NPDC1: variants seen among roughly 807,000 people sequenced by gnomAD.
The protein encoded by NPDC1 is neural proliferation, differentiation and control 1.
A neutral mutation model predicts 32.5 loss-of-function variants in NPDC1; 18 were observed. The ratio of observed to expected loss-of-function variants is 0.55; its 90% CI spans 0.38 to 0.82. The LOEUF is 0.82. NPDC1 is among the 40% of genes least tolerant of loss of function. NPDC1 has a pLI of 0.00. For synonymous variants in NPDC1, 210 were observed against 184.7 expected (o/e 1.14, Z -1.11); for missense variants, 468 against 406.6 (o/e 1.15, Z -1.30).
chr9:137,045,711 T>C (rs961326140), intron 1 of NPDC1, among the ~76,000 whole-genome samples, 167 bp downstream of exon 1: 1 of 151,870 alleles, frequency 6.6e-6, no homozygotes, highest in African/African-American at 2.4e-5. Flanking sequence ...CGGCCAGGCC[T>C]GTTTATTCCA....
intron 1 of NPDC1, 27 bp from the exon 2 acceptor site, chr9:137,043,100 G>A (rs1235371721): frequency 6.8e-6 from 11 of 1,610,056 alleles, no homozygotes; most frequent in African/African-American, 4.0e-5. Flanking sequence ...AGGCAGGGCC[G>A]GCTCACGGCC....
intron 7 of NPDC1, 122 bp from the exon 8 acceptor site, chr9:137,040,189 G>T: frequency 2.8e-6 from 2 of 714,154 alleles, no homozygotes; most frequent in Non-Finnish European, 4.9e-6. Flanking sequence ...CCAGGGTGAA[G>T]TTGGCCAGGG....
In NPDC1 at chr9:137,046,070, G is replaced by C; in HGVS notation, c.-81C>G. 1 of 1,117,704 alleles carries C rather than the reference G, an allele frequency of 8.9e-7. No individual in the cohort carries two copies. The highest frequency in any genetic ancestry group is 1.1e-6 in the Non-Finnish European group (1 of 913,738). 69.2% of individuals were successfully genotyped at this position (1,117,704 alleles called of 1,614,324 possible). ...GGCTCCGGGCTCCGCGTCGGGAGCA[G>C]CGGAGGCAGCGGGGGAGGACGCAGG... On this transcript the variant is annotated 5_prime_UTR_variant, in exon 1 of 9. Transcript: ENST00000371601.
At chr9:137,045,754 G>A in intron 1 of NPDC1, 124 bp downstream of exon 1, 2 of 520,198 alleles carry the variant, frequency 3.8e-6, no homozygotes, top group Non-Finnish European at 4.9e-6. Flanking sequence ...GCCACCAGCG[G>A]ACCAGGCCTG....
intron 1 of NPDC1, among the ~76,000 whole-genome samples, chr9:137,044,986 A>G (rs920924784): frequency 5.9e-5 from 9 of 152,102 alleles, no homozygotes; most frequent in African/African-American, 1.9e-4. Context: ...TAACTTCTCC[A>G]TGCCTCGGAT....
Position 137,040,361 on chromosome 9 carries a change from C to T in NPDC1, c.784G>A (p.Glu262Lys), listed in dbSNP as rs1165857162. 1 of 1,543,468 alleles carries T rather than the reference C, an allele frequency of 6.5e-7. No individual in the cohort carries two copies. Among genetic ancestry groups the T allele is most frequent in the Non-Finnish European group, 8.7e-7 (1 of 1,146,618 alleles). ...AGTGCCGGGGCGGCCACTCACCGCT[C>T]CAGGCACAGCATCTGTTGCCGTTGG... is the stretch of plus-strand genomic sequence containing the variant. ...QHQRQQMLCL[E>K]RHKEPPKELD... Residue 262 changes from glutamate to lysine, a missense_variant, in exon 7 of 9, where the codon GAG becomes AAG. Transcript: ENST00000371601.
Position 137,042,918 on chromosome 9 carries a change from C to G in NPDC1, c.259+9G>C. 6.3e-7 allele frequency: 1 copy of G among 1,587,426 alleles called. No individual in the cohort carries two copies. Among genetic ancestry groups the G allele is most frequent in the South Asian group, 1.1e-5 (1 of 88,984 alleles). On this transcript the variant is annotated intron_variant, in intron 2 of 8. Transcript: ENST00000371601. ...ATCCCCCCATCGACTTCCCCCTTTG[C>G]TCTCGTACCTGGAGGCCGGCGCATC...
intron 7 of NPDC1, 102 bp downstream of exon 7, chr9:137,040,255 G>C: frequency 1.8e-6 from 2 of 1,124,300 alleles, no homozygotes; most frequent in Admixed American, 4.1e-5. Flanking sequence ...GGTGAGGGTG[G>C]CAGGGCCTGG....
chr9:137,043,166 A>AC, intron 1 of NPDC1, 93 bp from the exon 2 acceptor site: 1 of 1,403,792 alleles, frequency 7.1e-7, no homozygotes, highest in African/African-American at 1.5e-5. Context: ...CGCCCCCGTC[A>AC]CCCCCCGAGC....
intron 2 of NPDC1, among the ~76,000 whole-genome samples, chr9:137,042,584 ACAGAGTCTCGCACTGTCGCC>A (rs1832074022): frequency 1.2e-5 from 1 of 83,704 alleles, no homozygotes; most frequent in Admixed American, 1.4e-4. Context: ...TTTTTTTGAG[ACAGAGTCTCGCACTGTCGCC>A]CAGGCTGGAG....
In NPDC1 at chr9:137,040,271, A is replaced by C. The variant is rs1281608935; in HGVS notation, c.788+86T>G. 7 of 980,738 alleles carry C rather than the reference A, an allele frequency of 7.1e-6. No homozygotes were observed. The Admixed American group carries it at 1.6e-4, about 23-fold the overall frequency. The allele number at this position is 980,738 out of a possible 1,614,324, so 60.8% of individuals were successfully genotyped here. A position where few individuals can be genotyped will look rare whatever the true frequency, so the allele number is the denominator to read the frequency against. On this transcript the variant is annotated intron_variant, in intron 7 of 8. Transcript: ENST00000371601. ...GTGAGGGTGGCAGGGCCTGGGGTAA[A>C]GTTGGCCAGGGGAGGTGGAAATGGA...
At position 137,040,513 on chromosome 9, in the gene NPDC1, C is replaced by T. The variant is rs1438327369; in HGVS notation, c.708+1G>A. Reference sequence around the variant, plus strand: ...CCTCAGGGCTGAAGGGGGCCACACACCGAGATCCGGGGAGCTGCAGGTGAG... The same window carrying T: ...CCTCAGGGCTGAAGGGGGCCACACATCGAGATCCGGGGAGCTGCAGGTGAG... On this transcript the variant is annotated splice_donor_variant, in intron 6 of 8. Coordinates refer to ENST00000371601, the MANE Select transcript of NPDC1 (RefSeq NM_015392.4). LOFTEE classifies it high-confidence loss of function. 2 of 1,589,390 alleles carry T rather than the reference C, an allele frequency of 1.3e-6. No individual in the cohort carries two copies. The highest frequency in any genetic ancestry group is 1.7e-5 in the Admixed American group (1 of 58,018).
At chr9:137,045,454 C>G (rs1832115810) in intron 1 of NPDC1, among the ~76,000 whole-genome samples, 1 of 152,230 alleles carries the variant, frequency 6.6e-6, no homozygotes, top group African/African-American at 2.4e-5. Context: ...CCCCGGGACG[C>G]GCACCGGCAG....
chr9:137,045,764 G>T (rs1832121526), intron 1 of NPDC1, 114 bp downstream of exon 1: 1 of 617,176 alleles, frequency 1.6e-6, no homozygotes, highest in Non-Finnish European at 2.0e-6. Flanking sequence ...GACCAGGCCT[G>T]CAGGGCCTGC....
chr9:137,043,701 G>A (rs1479137542), intron 1 of NPDC1: 2 of 327,398 alleles, frequency 6.1e-6, no homozygotes, highest in Non-Finnish European at 1.1e-5. Flanking sequence ...ACCACACCAG[G>A]GGCTGCAGTC....
rs751469138 is a variant in NPDC1 at position 137,040,925 on chromosome 9, C to T, written c.445G>A (p.Gly149Arg). The T allele has an allele frequency of 1.3e-6, 2 of 1,565,226 alleles. No homozygotes were observed. The highest frequency in any genetic ancestry group is 1.7e-6 in the Non-Finnish European group (2 of 1,158,500). The change falls in exon 4 of 9, where the codon GGA becomes AGA. Residue 149 changes from glycine (G) to arginine (R), a missense_variant. Transcript: ENST00000371601. ...GTGTGGGGCGTGGGCGTGGGGGTTC[C>T]TGGAGTGGAGGGGAGGCCCAGCTCC... ...GLELGLPSTPGTPTPTPHTSL... is the reference protein window; with the variant it reads ...GLELGLPSTPRTPTPTPHTSL...
Position 137,040,865 on chromosome 9 carries a change from G to A in NPDC1, c.505C>T (p.His169Tyr), listed in dbSNP as rs758083595. The change falls in exon 4 of 9, where the codon CAC becomes TAC. Residue 169 changes from histidine to tyrosine, a missense_variant. Coordinates refer to ENST00000371601, the MANE Select transcript of NPDC1 (RefSeq NM_015392.4). Reference sequence around the variant, plus strand: ...CCCCGGGGCTCCAGGGGCGACATGTGCACCGGGTCGGATGACACAGGGGAG... The same window carrying A: ...CCCCGGGGCTCCAGGGGCGACATGTACACCGGGTCGGATGACACAGGGGAG... ...LGSPVSSDPV[H>Y]MSPLEPRGGQ... The A allele has an allele frequency of 8.8e-5, 141 of 1,599,386 alleles. No homozygotes were observed. Among genetic ancestry groups the A allele is most frequent in the Non-Finnish European group, 1.1e-4 (133 of 1,176,106 alleles).
intron 7 of NPDC1, 24 bp from the exon 8 acceptor site, chr9:137,040,091 T>A (rs764644603): frequency 2.6e-6 from 2 of 772,330 alleles, no homozygotes; most frequent in African/African-American, 3.4e-5. Context: ...GATCGCTGGG[T>A]CCTCCCCATG....
rs201891669 is a variant in NPDC1 at position 137,042,862 on chromosome 9, G to A, written c.259+65C>T. 1.7e-4 allele frequency: 257 copies of A among 1,528,156 alleles called. 3 individuals carry two copies. The South Asian group carries it at 1.9e-3, about 11-fold the overall frequency. The allele number at this position is 1,528,156 out of a possible 1,614,324, so 94.7% of individuals were successfully genotyped here. ...CATGAGCCACCGCGCCCAGCCGGCCGCTTCTTACAGGGAGAGGTTCATGCA... is the reference window on the plus strand; with the variant it reads ...CATGAGCCACCGCGCCCAGCCGGCCACTTCTTACAGGGAGAGGTTCATGCA... On this transcript the variant is annotated intron_variant, in intron 2 of 8. Transcript: ENST00000371601.
Sources: allele counts gnomAD v4.1 joint callset (sites outside exome capture counted in the v4.1 genomes callset), GRCh38; gene constraint gnomAD v4.1.1; transcripts MANE v1.5; gene names NCBI Gene and HGNC (gene_info 2026-07-23, HGNC 2026-07-21).